The following UPP2 variants were observed in gnomAD, a reference collection of about 807,000 sequenced individuals.
UPP2 encodes the protein uridine phosphorylase 2.
A neutral mutation model predicts 26.7 loss-of-function variants in UPP2; 23 were observed. That is an observed-to-expected ratio of 0.86 (90% CI 0.62 to 1.22). UPP2 has a LOEUF of 1.22. Ranked by LOEUF, UPP2 falls within the 50% of genes most tolerant of loss-of-function variation. The probability of loss-of-function intolerance (pLI) is 0.00; values close to 1 mark genes in which losing one functional copy is unlikely to be tolerated. For missense variants in UPP2, 387 were observed against 396.7 expected, an observed-to-expected ratio of 0.98 and a Z score of 0.21; for synonymous variants, 127 against 141.3, an observed-to-expected ratio of 0.90 and a Z score of 0.72.
At chr2:158,037,686 A>C (rs1482617762) in intron 3 of UPP2, among the ~76,000 whole-genome samples, 1 of 152,154 alleles carries the variant, frequency 6.6e-6, no homozygotes, top group Non-Finnish European at 1.5e-5. Flanking sequence ...GCCTGTCTTC[A>C]CATGACCATC....
intron 6 of UPP2, among the ~76,000 whole-genome samples, chr2:158,132,045 C>G (rs754626963): frequency 2.0e-5 from 3 of 152,188 alleles, no homozygotes; most frequent in Middle Eastern, 3.2e-3. Flanking sequence ...GGACTTTCAA[C>G]TTTTCTGTGC....
chr2:158,053,574 A>G (rs547974997), intron 3 of UPP2, among the ~76,000 whole-genome samples: 2 of 152,306 alleles, frequency 1.3e-5, no homozygotes, highest in Non-Finnish European at 2.9e-5. Context: ...CATTCGTAGA[A>G]CAAGCAAATG....
intron 3 of UPP2, among the ~76,000 whole-genome samples, chr2:158,058,131 A>C (rs1558917141): frequency 6.6e-6 from 1 of 151,992 alleles, no homozygotes; most frequent in Non-Finnish European, 1.5e-5. Context: ...GTCTCTACTA[A>C]AAATACAAAA....
intron 3 of UPP2, 60 bp downstream of exon 3, chr2:158,115,319 T>C: frequency 6.6e-7 from 1 of 1,507,040 alleles, no homozygotes; most frequent in Admixed American, 2.2e-5. Flanking sequence ...AAGTGGGAAC[T>C]TTTACATGTA....
intron 2 of UPP2, among the ~76,000 whole-genome samples, chr2:158,108,983 AT>A (rs1485803500): frequency 6.6e-6 from 1 of 151,272 alleles, no homozygotes; most frequent in Non-Finnish European, 1.5e-5. Flanking sequence ...AGAACTGGCC[AT>A]TTAATCTGAA....
intron 6 of UPP2, among the ~76,000 whole-genome samples, chr2:158,131,398 T>TGG (rs1323384000): frequency 6.6e-6 from 1 of 152,110 alleles, no homozygotes; most frequent in Non-Finnish European, 1.5e-5. Flanking sequence ...TAGGGGTGCG[T>TGG]GGATTCCTAA....
At position 158,134,982 on chromosome 2, in the gene UPP2, A is replaced by C. The variant is rs1683901557; in HGVS notation, c.*92A>C. 1 of 1,410,506 alleles carries C rather than the reference A, an allele frequency of 7.1e-7. No homozygotes were observed. The highest frequency in any genetic ancestry group is 2.6e-5 in the Admixed American group (1 of 38,790). The allele number at this position is 1,410,506 out of a possible 1,614,324, so 87.4% of individuals were successfully genotyped here. A position where few individuals can be genotyped will look rare whatever the true frequency, so the allele number is the denominator to read the frequency against. On this transcript the variant is annotated 3_prime_UTR_variant, in exon 7 of 7. Coordinates refer to ENST00000005756, the MANE Select transcript of UPP2 (RefSeq NM_173355.4). ...TATTTTATTTGTGGCATTTTTATAT[A>C]GTTCTCATCCACATGCTAAATGGAA...
intron 3 of UPP2, among the ~76,000 whole-genome samples, chr2:158,095,235 G>A (rs533890906): frequency 5.9e-5 from 9 of 152,300 alleles, no homozygotes; most frequent in Admixed American, 5.9e-4. Context: ...ATTTGGCAAT[G>A]AGATGACTTT....
intron 3 of UPP2, among the ~76,000 whole-genome samples, chr2:158,079,122 TTG>T (rs1425563092): frequency 6.6e-6 from 1 of 152,066 alleles, no homozygotes; most frequent in Non-Finnish European, 1.5e-5. Flanking sequence ...TCTGCCATGA[TTG>T]TAAGTTTCCT....
intron 1 of UPP2, among the ~76,000 whole-genome samples, chr2:158,105,541 A>G (rs1683174223): frequency 6.6e-6 from 1 of 152,222 alleles, no homozygotes; most frequent in Non-Finnish European, 1.5e-5. Context: ...CCAGAAGAAG[A>G]GTCCATGAAG....
intron 3 of UPP2, among the ~76,000 whole-genome samples, chr2:158,024,530 C>CA (rs1683805587): frequency 6.6e-6 from 1 of 152,286 alleles, no homozygotes; most frequent in Non-Finnish European, 1.5e-5. Flanking sequence ...TTGAAGAGCT[C>CA]AGAGAGTTAC....
At chr2:158,006,617 A>G (rs1683493774) in intron 2 of UPP2, among the ~76,000 whole-genome samples, 1 of 152,166 alleles carries the variant, frequency 6.6e-6, no homozygotes, top group African/African-American at 2.4e-5. Flanking sequence ...TACTTACCTC[A>G]CATTTTAAAA....
intron 2 of UPP2, among the ~76,000 whole-genome samples, chr2:157,999,255 C>T (rs993659470): frequency 2.0e-5 from 3 of 151,986 alleles, no homozygotes; most frequent in Non-Finnish European, 2.9e-5. Context: ...CTTAGCTCAC[C>T]GCAACCTCCA....
At chr2:158,113,347 C>G (rs1683358675) in intron 2 of UPP2, among the ~76,000 whole-genome samples, 2 of 152,132 alleles carry the variant, frequency 1.3e-5, no homozygotes, top group Admixed American at 1.3e-4. Context: ...GATCGTGAGC[C>G]AAGTCTTAAC....
At chr2:158,092,983 T>C (rs757171906) in intron 3 of UPP2, among the ~76,000 whole-genome samples, 8 of 152,074 alleles carry the variant, frequency 5.3e-5, no homozygotes, top group East Asian at 1.9e-4. Context: ...TGCAGTGGCA[T>C]GATCTCGGCT....
intron 3 of UPP2, among the ~76,000 whole-genome samples, chr2:158,058,071 A>G (rs1182036207): frequency 6.6e-6 from 1 of 152,108 alleles, no homozygotes; most frequent in Admixed American, 6.5e-5. Context: ...AGGCGGGCGG[A>G]TCACGAGGTC....
At position 158,058,419 on chromosome 2, in the gene UPP2, C is replaced by CTGTGTGTGTGTGTGTGTGTGTGTGTGTG. The variant is rs70990632; in HGVS notation, c.147+42537_147+42564dup. ...CTCTCTCTCTCTCTCTCCCCCCAAC[C>CTGTGTGTGTGTGTGTGTGTGTGTGTGTG]TGTGTGTGTGTGTGTGTGTGTGTGT... On this transcript the variant is annotated intron_variant, in intron 3 of 9. Coordinates refer to the UPP2 transcript ENST00000605860. Among the ~76,000 whole-genome samples the CTGTGTGTGTGTGTGTGTGTGTGTGTGTG allele has an allele frequency of 3.6e-4, 49 of 136,448 alleles. 4 individuals are homozygous for CTGTGTGTGTGTGTGTGTGTGTGTGTGTG. The East Asian group carries it at 5.4e-3, about 15-fold the overall frequency. The allele number at this position is 136,448 out of a possible 152,430, so 89.5% of individuals were successfully genotyped here.
At chr2:158,015,776 C>T (rs1683648502) in intron 2 of UPP2, 1 of 453,302 alleles carries the variant, frequency 2.2e-6, no homozygotes, top group Non-Finnish European at 4.4e-6. Flanking sequence ...CTCTCTGTCT[C>T]TCTCTCCTGC....
intron 3 of UPP2, among the ~76,000 whole-genome samples, chr2:158,062,506 GA>G (rs1682368134): frequency 8.1e-6 from 1 of 123,778 alleles, no homozygotes; most frequent in Admixed American, 9.0e-5. Context: ...GCACAGTGGG[GA>G]AAACATGCTA....
Sources: gnomAD v4.1 joint callset for allele counts (sites outside exome capture counted in the v4.1 genomes callset) on GRCh38, gnomAD v4.1.1 for gene constraint, MANE v1.5 for transcripts, NCBI Gene and HGNC (gene_info 2026-07-23, HGNC 2026-07-21) for gene names.